GPC5: variants seen among roughly 807,000 people sequenced by gnomAD.
GPC5 encodes glypican 5, also known as glypican-5.
Under a neutral mutation model 53.9 loss-of-function variants are expected in GPC5, and 47 were observed. That is an observed-to-expected ratio of 0.87 (90% confidence interval 0.69 to 1.11). GPC5 has a LOEUF of 1.11. Among genes scored for constraint, GPC5 ranks in the 50% most tolerant of loss-of-function variants. The pLI is 0.00. For missense variants in GPC5, 748 were observed against 713.1 expected, an observed-to-expected ratio of 1.05 and a Z score of -0.56; for synonymous variants, 286 against 263.3, an observed-to-expected ratio of 1.09 and a Z score of -0.84.
At chr13:91,932,256 G>A (rs1347238661) in intron 6 of GPC5, among the ~76,000 whole-genome samples, 1 of 152,026 alleles carries the variant, frequency 6.6e-6, no homozygotes, top group Non-Finnish European at 1.5e-5. Context: ...CGTGACTTCT[G>A]ACAGAAAGGA....
chr13:92,679,356 C>T (rs1044572108), intron 7 of GPC5, among the ~76,000 whole-genome samples: 11 of 152,014 alleles, frequency 7.2e-5, no homozygotes, highest in Non-Finnish European at 1.5e-4. Context: ...TATAAAATTC[C>T]AAAATATCAA....
intron 6 of GPC5, among the ~76,000 whole-genome samples, chr13:92,131,872 G>A (rs970804151): frequency 6.6e-6 from 1 of 151,862 alleles, no homozygotes; most frequent in Non-Finnish European, 1.5e-5. Context: ...AAAATAAGTA[G>A]ATTAATAAAG....
At chr13:92,289,761 C>T (rs1405672710) in intron 7 of GPC5, among the ~76,000 whole-genome samples, 1 of 151,844 alleles carries the variant, frequency 6.6e-6, no homozygotes, top group East Asian at 1.9e-4. Context: ...GTATCATCCT[C>T]CTTTTTCCAT....
rs536926714 is a variant in GPC5 at position 92,236,232 on chromosome 13, A to G, written c.1561+91243A>G. Among the ~76,000 whole-genome samples, 12 of 152,200 alleles carry G rather than the reference A, an allele frequency of 7.9e-5. No individual in the cohort carries two copies. In the South Asian group the frequency reaches 2.1e-3, roughly 26 times the overall value. Reference sequence around the variant, plus strand: ...CTATTGTTTTAAATATAATTTGGGTAATATTACTTAGTTTGTTATTTGAAA... The same window carrying G: ...CTATTGTTTTAAATATAATTTGGGTGATATTACTTAGTTTGTTATTTGAAA... On this transcript the variant is annotated intron_variant, in intron 7 of 7. Coordinates refer to ENST00000377067, the MANE Select transcript of GPC5 (RefSeq NM_004466.6).
At chr13:91,531,165 TTTGA>T (rs1207692862) in intron 2 of GPC5, among the ~76,000 whole-genome samples, 1 of 152,204 alleles carries the variant, frequency 6.6e-6, no homozygotes, top group Non-Finnish European at 1.5e-5. Context: ...TGAGTAATGA[TTTGA>T]TTTAGAGCTT....
At position 92,815,941 on chromosome 13, in the gene GPC5, CTATT is replaced by C. The variant is rs1355413651; in HGVS notation, c.1562-50340_1562-50337del. 2.6e-5 allele frequency among the ~76,000 whole-genome samples: 4 copies of C among 152,034 alleles called. No homozygotes were observed. The East Asian group carries it at 7.7e-4, about 29-fold the overall frequency. On this transcript the variant is annotated intron_variant, in intron 7 of 7. Coordinates refer to ENST00000377067, the MANE Select transcript of GPC5 (RefSeq NM_004466.6). Reference sequence around the variant, plus strand: ...CTTTGCACCTATCAATTTGAGATAACTATTAAACATCCAGTTGGAGATGTTGAAT... The same window carrying C: ...CTTTGCACCTATCAATTTGAGATAACAAACATCCAGTTGGAGATGTTGAAT...
At chr13:92,831,184 T>C (rs961325908) in intron 7 of GPC5, among the ~76,000 whole-genome samples, 1 of 152,104 alleles carries the variant, frequency 6.6e-6, no homozygotes, top group Admixed American at 6.6e-5. Context: ...AGTAAAATGA[T>C]AAAATCAAAT....
intron 5 of GPC5, among the ~76,000 whole-genome samples, chr13:91,852,319 C>T (rs1290298431): frequency 6.6e-6 from 1 of 152,044 alleles, no homozygotes; most frequent in Non-Finnish European, 1.5e-5. Flanking sequence ...TCAGGATCAT[C>T]AATATCACCG....
chr13:92,066,222 G>A (rs1279503526), intron 6 of GPC5, among the ~76,000 whole-genome samples: 2 of 151,884 alleles, frequency 1.3e-5, no homozygotes, highest in African/African-American at 4.8e-5. Context: ...AAAGGACAAG[G>A]GCTGCCATAA....
At chr13:92,397,644 A>G (rs977581700) in intron 7 of GPC5, among the ~76,000 whole-genome samples, 7 of 152,162 alleles carry the variant, frequency 4.6e-5, no homozygotes, top group Admixed American at 3.9e-4. Flanking sequence ...TTTCCTCTGC[A>G]ATCTCAGTTC....
At chr13:92,818,135 C>A (rs1378348276) in intron 7 of GPC5, among the ~76,000 whole-genome samples, 1 of 151,440 alleles carries the variant, frequency 6.6e-6, no homozygotes, top group Non-Finnish European at 1.5e-5. Context: ...GCCTCAGCCT[C>A]CTGAGTAGCT....
chr13:92,439,812 G>C (rs945150119), intron 7 of GPC5, among the ~76,000 whole-genome samples: 4 of 152,134 alleles, frequency 2.6e-5, no homozygotes, highest in African/African-American at 9.7e-5. Context: ...CATTGTAATA[G>C]TCAGCTAGAA....
At chr13:91,744,422 A>G (rs2037003180) in intron 4 of GPC5, among the ~76,000 whole-genome samples, 1 of 152,198 alleles carries the variant, frequency 6.6e-6, no homozygotes, top group African/African-American at 2.4e-5. Context: ...TGCTATTTAT[A>G]GATTTCCTAG....
chr13:92,411,029 G>A (rs891516782), intron 7 of GPC5, among the ~76,000 whole-genome samples: 1 of 152,182 alleles, frequency 6.6e-6, no homozygotes, highest in Non-Finnish European at 1.5e-5. Context: ...GAGGTCAGGA[G>A]TCTGAGGCCA....
At chr13:92,289,653 A>T (rs947021561) in intron 7 of GPC5, among the ~76,000 whole-genome samples, 2 of 151,992 alleles carry the variant, frequency 1.3e-5, no homozygotes, top group African/African-American at 4.8e-5. Context: ...TCAAATAATA[A>T]TCATAGTAAA....
chr13:92,212,419 T>G (rs1019016538), intron 7 of GPC5, among the ~76,000 whole-genome samples: 2 of 152,156 alleles, frequency 1.3e-5, no homozygotes, highest in Non-Finnish European at 2.9e-5. Context: ...CTTCTATTAT[T>G]AGTAATAATG....
chr13:92,660,446 CACAT>C (rs1886296757), intron 7 of GPC5, among the ~76,000 whole-genome samples: 1 of 151,554 alleles, frequency 6.6e-6, no homozygotes, highest in African/African-American at 2.4e-5. Context: ...AACATATACA[CACAT>C]ACATGTATAT....
chr13:91,851,379 G>A (rs1325531676), intron 5 of GPC5, among the ~76,000 whole-genome samples: 7 of 152,150 alleles, frequency 4.6e-5, no homozygotes, highest in African/African-American at 1.2e-4. Flanking sequence ...AGGACTGGAA[G>A]TTGCTCTAGG....
chr13:92,680,223 G>A (rs908067830), intron 7 of GPC5, among the ~76,000 whole-genome samples: 2 of 152,136 alleles, frequency 1.3e-5, no homozygotes, highest in African/African-American at 4.8e-5. Context: ...TTTGTCCCTA[G>A]AGGCCCTCTT....
Sources: allele counts gnomAD v4.1 joint callset (sites outside exome capture counted in the v4.1 genomes callset), GRCh38; gene constraint gnomAD v4.1.1; transcripts MANE v1.5; gene names NCBI Gene and HGNC (gene_info 2026-07-23, HGNC 2026-07-21).